The following TMEM135 variants were observed in gnomAD, a reference collection of about 807,000 sequenced individuals.
TMEM135 encodes peroxisomal membrane protein 52.
Under a neutral mutation model 60.3 loss-of-function variants are expected in TMEM135, and 30 were observed. The observed-to-expected ratio is 0.50, with a 90% CI of 0.37 to 0.68. TMEM135 has a LOEUF of 0.68. Ranked by LOEUF, TMEM135 falls within the 30% of genes least tolerant of loss-of-function variation. The probability of loss-of-function intolerance (pLI) is 0.00; values close to 1 mark genes in which losing one functional copy is unlikely to be tolerated. For missense variants in TMEM135, 468 were observed against 548.8 expected, an observed-to-expected ratio of 0.85 and a Z score of 1.47; for synonymous variants, 190 against 186.7, an observed-to-expected ratio of 1.02 and a Z score of -0.14.
Position 87,047,656 on chromosome 11 carries a change from A to G in TMEM135, c.141+9470A>G, listed in dbSNP as rs539598974. On this transcript the variant is annotated intron_variant, in intron 1 of 14. Coordinates refer to ENST00000305494, the MANE Select transcript of TMEM135 (RefSeq NM_022918.4). ...AGACTATATCCCACACCTGGCTCAG[A>G]GGGTCCTACACCCACGGAATCTCGC... Among the ~76,000 whole-genome samples the G allele has an allele frequency of 3.3e-5, 4 of 121,088 alleles. No individual in the cohort carries two copies. The South Asian group carries it at 1.2e-3, about 35-fold the overall frequency. The allele number at this position is 121,088 out of a possible 152,430, so 79.4% of individuals were successfully genotyped here.
chr11:87,150,368 G>T (rs61904240), intron 4 of TMEM135, among the ~76,000 whole-genome samples: 1 of 151,976 alleles, frequency 6.6e-6, no homozygotes, highest in South Asian at 2.1e-4. Flanking sequence ...CTGTTGCTTC[G>T]TTGTATCTAA....
chr11:87,203,788 T>C (rs994630085), intron 5 of TMEM135, among the ~76,000 whole-genome samples: 1 of 152,216 alleles, frequency 6.6e-6, no homozygotes, highest in South Asian at 2.1e-4. Context: ...CACCAAACTG[T>C]CTTCCAAAGT....
At chr11:87,234,485 T>A (rs1322013970) in intron 5 of TMEM135, among the ~76,000 whole-genome samples, 1 of 152,054 alleles carries the variant, frequency 6.6e-6, no homozygotes, top group Non-Finnish European at 1.5e-5. Flanking sequence ...ATATTAGAGA[T>A]TTCAAAAGGG....
intron 5 of TMEM135, among the ~76,000 whole-genome samples, chr11:87,215,252 A>G (rs986783933): frequency 3.3e-5 from 5 of 152,312 alleles, no homozygotes; most frequent in African/African-American, 1.2e-4. Flanking sequence ...CCAGGTAACT[A>G]TTAATTTTGA....
Position 87,071,503 on chromosome 11 carries a change from A to T in TMEM135, c.270-20A>T, listed in dbSNP as rs1590996042. 1.2e-6 allele frequency: 2 copies of T among 1,605,754 alleles called. No individual in the cohort carries two copies. Among genetic ancestry groups the T allele is most frequent in the South Asian group, 1.1e-5 (1 of 90,936 alleles). ...GACCAACTAGGAATTTCATACAAAA[A>T]TTCCAAATTTGAATTTCAGGAAGAT... is the stretch of plus-strand genomic sequence containing the variant. On this transcript the variant is annotated intron_variant, in intron 2 of 14. Coordinates refer to ENST00000305494, the MANE Select transcript of TMEM135 (RefSeq NM_022918.4).
intron 6 of TMEM135, among the ~76,000 whole-genome samples, chr11:87,271,158 A>G (rs901153901): frequency 2.0e-5 from 3 of 152,170 alleles, no homozygotes; most frequent in African/African-American, 7.2e-5. Context: ...TAATCTTTAG[A>G]AGAAAGACCT....
chr11:87,273,888 C>T (rs1406487457), intron 6 of TMEM135, among the ~76,000 whole-genome samples: 1 of 151,954 alleles, frequency 6.6e-6, no homozygotes, highest in Non-Finnish European at 1.5e-5. Flanking sequence ...TTGCATTTTT[C>T]CCCCCAAGAT....
intron 4 of TMEM135, among the ~76,000 whole-genome samples, chr11:87,147,886 T>C (rs1448095759): frequency 6.6e-6 from 1 of 152,146 alleles, no homozygotes. Flanking sequence ...GCCTCCCGAG[T>C]AGCCAGGACT....
chr11:87,075,405 C>T lies in TMEM135; in HGVS notation c.362+3790C>T, dbSNP rs143457845. ...TCCGGACCTCGTGATCTGCCCGCCT[C>T]AGCCTCCCAGAGTGTTGGGATTACA... On this transcript the variant is annotated intron_variant, in intron 3 of 14. Transcript: ENST00000305494. Among the ~76,000 whole-genome samples, 799 of 152,260 alleles carry T rather than the reference C, an allele frequency of 5.2e-3. 4 individuals are homozygous for T. The highest frequency in any genetic ancestry group is 0.019 in the African/African-American group (771 of 41,552).
At chr11:87,223,163 T>C (rs1429291270) in intron 5 of TMEM135, among the ~76,000 whole-genome samples, 1 of 147,956 alleles carries the variant, frequency 6.8e-6, no homozygotes, top group Non-Finnish European at 1.5e-5. Context: ...GAAAAGCACT[T>C]TTTTTTTTTT....
intron 5 of TMEM135, among the ~76,000 whole-genome samples, chr11:87,167,393 A>G (rs1939084913): frequency 6.6e-6 from 1 of 152,142 alleles, no homozygotes; most frequent in African/African-American, 2.4e-5. Flanking sequence ...GCCCATTTTC[A>G]AAGAGAATGC....
rs747805162 is a variant in TMEM135 at position 87,323,655 on chromosome 11, G to A, written c.*2322G>A. The A allele has an allele frequency of 1.0e-4, 47 of 453,654 alleles. No homozygotes were observed. The highest frequency in any genetic ancestry group is 9.9e-4 in the Admixed American group (42 of 42,516). 28.1% of individuals were successfully genotyped at this position (453,654 alleles called of 1,614,324 possible). A position where few individuals can be genotyped will look rare whatever the true frequency, so the allele number is the denominator to read the frequency against. ...TTATATAGATTGAGATTGAAAAACC[G>A]TGCATTTGGGGCAGTGGTATTATGG... is the stretch of plus-strand genomic sequence containing the variant. On this transcript the variant is annotated 3_prime_UTR_variant, in exon 15 of 15. Coordinates refer to ENST00000305494, the MANE Select transcript of TMEM135 (RefSeq NM_022918.4).
chr11:87,124,797 C>T (rs1937680120), intron 4 of TMEM135, among the ~76,000 whole-genome samples: 1 of 151,932 alleles, frequency 6.6e-6, no homozygotes, highest in South Asian at 2.1e-4. Flanking sequence ...TTATCCCTTC[C>T]TCCCTCCTTT....
At chr11:87,162,624 T>C (rs1484997224) in intron 5 of TMEM135, among the ~76,000 whole-genome samples, 2 of 152,224 alleles carry the variant, frequency 1.3e-5, no homozygotes, top group South Asian at 2.1e-4. Flanking sequence ...CTATCACTTA[T>C]GGGCATTTGG....
chr11:87,283,856 T>G (rs1477912922), intron 6 of TMEM135, among the ~76,000 whole-genome samples: 1 of 152,106 alleles, frequency 6.6e-6, no homozygotes, highest in African/African-American at 2.4e-5. Context: ...AGACTCCATC[T>G]CAAAAAATAA....
intron 1 of TMEM135, among the ~76,000 whole-genome samples, chr11:87,055,899 A>G (rs1949890083): frequency 6.6e-6 from 1 of 152,186 alleles, no homozygotes; most frequent in Admixed American, 6.5e-5. Flanking sequence ...GATTTTGCGC[A>G]AGAAAGAATT....
intron 6 of TMEM135, among the ~76,000 whole-genome samples, chr11:87,290,398 T>G (rs1565158705): frequency 6.6e-6 from 1 of 152,186 alleles, no homozygotes; most frequent in Non-Finnish European, 1.5e-5. Flanking sequence ...TGCATCCCTA[T>G]AAATGTGTTT....
At chr11:87,044,106 A>G (rs1398450780) in intron 1 of TMEM135, among the ~76,000 whole-genome samples, 1 of 152,256 alleles carries the variant, frequency 6.6e-6, no homozygotes, top group Non-Finnish European at 1.5e-5. Context: ...TGTTTACTCA[A>G]TATTTACTCC....
Position 87,091,368 on chromosome 11 carries a change from G to T in TMEM135, c.369G>T (p.Gly123=), listed in dbSNP as rs765114261. 3.2e-5 allele frequency: 51 copies of T among 1,611,768 alleles called. No homozygotes were observed. The South Asian group carries it at 5.6e-4, about 18-fold the overall frequency. ...AILIERKSRR[G]LLTIYMANLA... Reference sequence around the variant, plus strand: ...CTTTTAAAATTATTTGCAGGAGAGGGCTGCTCACAATTTATATGGCCAACT... The same window carrying T: ...CTTTTAAAATTATTTGCAGGAGAGGTCTGCTCACAATTTATATGGCCAACT... Residue 123 remains glycine (G), a synonymous_variant, in exon 4 of 15, where the codon GGG becomes GGT. Transcript: ENST00000305494.
Sources: allele counts gnomAD v4.1 joint callset (sites outside exome capture counted in the v4.1 genomes callset), GRCh38; gene constraint gnomAD v4.1.1; transcripts MANE v1.5; gene names NCBI Gene and HGNC (gene_info 2026-07-23, HGNC 2026-07-21).